CD99L2: variants seen among roughly 807,000 people sequenced by gnomAD.
CD99L2 encodes CD99 molecule like 2.
CD99L2 carries 24 observed loss-of-function variants against 27.3 expected under a neutral mutation model. The ratio of observed to expected loss-of-function variants is 0.88; its 90% CI spans 0.64 to 1.24. The LOEUF is 1.24. CD99L2 is among the 50% of genes most tolerant of loss of function. The probability of loss-of-function intolerance (pLI) is 0.00; values close to 1 mark genes in which losing one functional copy is unlikely to be tolerated. For missense variants in CD99L2, 255 were observed against 221.6 expected (o/e 1.15, Z -0.96); for synonymous variants, 97 against 87.9 (o/e 1.10, Z -0.58).
At chrX:150,776,633 A>G (rs1179312941) in intron 8 of CD99L2, among the ~76,000 whole-genome samples, 3 of 111,461 alleles carry the variant, frequency 2.7e-5, no homozygotes, top group Non-Finnish European at 5.7e-5. Flanking sequence ...CCTTCCTTCA[A>G]ATGGCTACAC....
intron 1 of CD99L2, among the ~76,000 whole-genome samples, chrX:150,848,041 T>C (rs1299443651): frequency 9.2e-6 from 1 of 109,100 alleles, no homozygotes; most frequent in Admixed American, 9.9e-5. Flanking sequence ...ATCACTTCCC[T>C]GCTCAAAACT....
At chrX:150,861,898 T>C (rs2124320593) in intron 1 of CD99L2, among the ~76,000 whole-genome samples, 1 of 96,015 alleles carries the variant, frequency 1.0e-5, no homozygotes, top group Admixed American at 1.1e-4. Flanking sequence ...AGAGCGAGAC[T>C]CTTTCTCAAA....
At chrX:150,829,614 A>T in intron 2 of CD99L2, 1 of 297,195 alleles carries the variant, frequency 3.4e-6, no homozygotes, top group Non-Finnish European at 6.5e-6. Context: ...GCTGGAAAAA[A>T]CCAACATAGA....
intron 1 of CD99L2, among the ~76,000 whole-genome samples, chrX:150,838,473 T>C (rs1557421273): frequency 9.0e-6 from 1 of 111,608 alleles, no homozygotes; most frequent in African/African-American, 3.3e-5. Context: ...AACTCTGTCC[T>C]AGCTTTGCAA....
chrX:150,783,873 T>C (rs1383165360), intron 7 of CD99L2, among the ~76,000 whole-genome samples: 1 of 111,629 alleles, frequency 9.0e-6, no homozygotes, highest in Non-Finnish European at 1.9e-5. Context: ...CTGCAGTGCA[T>C]GGAGGGTTCG....
rs17319111 is a variant in CD99L2, at chrX:150,831,223, C to T, written c.130+8G>A. 75,283 of 1,179,512 alleles carry T rather than the reference C, an allele frequency of 0.064. 1,814 individuals carry two copies. Among genetic ancestry groups the T allele is most frequent in the South Asian group, 0.13 (7,232 of 54,874 alleles). ...TGTTTTTAATAGTTTATTTGATTTA[C>T]TACTCACGCTTTACTGAGGAAGTTT... On this transcript the variant is annotated splice_region_variant and intron_variant, in intron 2 of 10. Coordinates refer to ENST00000370377, the MANE Select transcript of CD99L2 (RefSeq NM_031462.4).
At chrX:150,893,776 C>T (rs1391140085) in intron 1 of CD99L2, among the ~76,000 whole-genome samples, 1 of 110,262 alleles carries the variant, frequency 9.1e-6, no homozygotes, top group African/African-American at 3.3e-5. Flanking sequence ...AGTGCAGTGG[C>T]ATGATCTAAG....
chrX:150,843,503 T>C (rs1409719197), intron 1 of CD99L2, among the ~76,000 whole-genome samples: 2 of 109,067 alleles, frequency 1.8e-5, no homozygotes, highest in Admixed American at 2.0e-4. Context: ...ACAAAAAAAT[T>C]AGCTAGGCAT....
intron 1 of CD99L2, among the ~76,000 whole-genome samples, chrX:150,846,178 C>T (rs1033516001): frequency 2.7e-5 from 3 of 111,445 alleles, no homozygotes; most frequent in East Asian, 5.6e-4. Context: ...GGCGACAGTG[C>T]GAGACTCTAT....
chrX:150,852,070 G>A (rs1242753952), intron 1 of CD99L2, among the ~76,000 whole-genome samples: 1 of 111,857 alleles, frequency 8.9e-6, no homozygotes, highest in African/African-American at 3.3e-5. Flanking sequence ...CTACTGCTTG[G>A]ATGAAAGAAC....
At chrX:150,879,299 G>A (rs1450029139) in intron 1 of CD99L2, among the ~76,000 whole-genome samples, 1 of 111,901 alleles carries the variant, frequency 8.9e-6, no homozygotes, top group African/African-American at 3.2e-5. Flanking sequence ...GCAGAGGAAA[G>A]AGAGATGTTG....
chrX:150,824,287 AAG>A (rs1557420788), intron 2 of CD99L2, among the ~76,000 whole-genome samples: 2 of 64,014 alleles, frequency 3.1e-5, no homozygotes, highest in African/African-American at 1.3e-4. Flanking sequence ...GAGGAGGAGA[AAG>A]GAAGAAGAAG....
chrX:150,773,074 A>G (rs894282960), intron 9 of CD99L2, among the ~76,000 whole-genome samples: 4 of 112,565 alleles, frequency 3.6e-5, no homozygotes, highest in Admixed American at 9.3e-5. Flanking sequence ...GATACAATCA[A>G]GATGTTCACT....
chrX:150,893,947 C>A (rs1557422971), intron 1 of CD99L2, among the ~76,000 whole-genome samples: 1 of 111,661 alleles, frequency 9.0e-6, no homozygotes, highest in Non-Finnish European at 1.9e-5. Flanking sequence ...AACTCCTGAC[C>A]TCAGCTGATC....
At chrX:150,852,613 C>T (rs1298921621) in intron 1 of CD99L2, among the ~76,000 whole-genome samples, 2 of 110,677 alleles carry the variant, frequency 1.8e-5, no homozygotes, top group Admixed American at 1.9e-4. Context: ...GTCCATCCTC[C>T]TCATCATCCC....
chrX:150,786,785 A>G (rs1182293786), intron 7 of CD99L2, among the ~76,000 whole-genome samples: 1 of 112,263 alleles, frequency 8.9e-6, no homozygotes, highest in Admixed American at 9.5e-5. Context: ...TCTTTGAGAA[A>G]TCACCAAACT....
intron 7 of CD99L2, among the ~76,000 whole-genome samples, chrX:150,777,823 G>A (rs782212707): frequency 8.0e-5 from 9 of 112,134 alleles, no homozygotes; most frequent in African/African-American, 2.6e-4. Context: ...CACCATAAGT[G>A]GGGGGTGGGG....
intron 1 of CD99L2, among the ~76,000 whole-genome samples, chrX:150,864,701 T>C (rs1295687918): frequency 8.9e-6 from 1 of 112,211 alleles, no homozygotes; most frequent in Admixed American, 9.5e-5. Flanking sequence ...GTGCAGACAG[T>C]AGGAAACAGA....
chrX:150,789,683 G>A (rs782162610), intron 7 of CD99L2, among the ~76,000 whole-genome samples: 13 of 111,339 alleles, frequency 1.2e-4, no homozygotes, highest in Admixed American at 6.7e-4. Context: ...CCAGGAGCTC[G>A]AGACCACCCT....
Sources: allele counts gnomAD v4.1 joint callset (sites outside exome capture counted in the v4.1 genomes callset), GRCh38; gene constraint gnomAD v4.1.1; transcripts MANE v1.5; gene names NCBI Gene and HGNC (gene_info 2026-07-23, HGNC 2026-07-21).